The following MAGI3 variants were observed in gnomAD, a reference collection of about 807,000 sequenced individuals.
The protein encoded by MAGI3 is membrane associated guanylate kinase, WW and PDZ domain containing 3.
In MAGI3, 43 loss-of-function variants were observed where a neutral mutation model predicts 121.8. The observed-to-expected ratio is 0.35, with a 90% CI of 0.28 to 0.46. The LOEUF is 0.46. MAGI3 is among the 20% of genes least tolerant of loss of function. The pLI is 1.00. For missense variants in MAGI3, 1,547 were observed against 1,797.3 expected, an observed-to-expected ratio of 0.86 and a Z score of 2.52; for synonymous variants, 553 against 639.3, an observed-to-expected ratio of 0.86 and a Z score of 2.04.
chr1:113,682,336 T>G, intron 20 of MAGI3: 1 of 1,565,680 alleles, frequency 6.4e-7, no homozygotes, highest in Non-Finnish European at 8.6e-7. Flanking sequence ...CACTTTCTTC[T>G]TTTGTTTTCT....
intron 1 of MAGI3, among the ~76,000 whole-genome samples, chr1:113,404,727 A>G (rs1447380333): frequency 6.6e-6 from 1 of 152,146 alleles, no homozygotes; most frequent in African/African-American, 2.4e-5. Context: ...ATGGGAGAAG[A>G]AACTATGAGT....
At chr1:113,439,697 G>T (rs920958184) in intron 1 of MAGI3, among the ~76,000 whole-genome samples, 1 of 152,164 alleles carries the variant, frequency 6.6e-6, no homozygotes, top group African/African-American at 2.4e-5. Flanking sequence ...TGTCTCTTAT[G>T]TGCCAGGGAA....
At position 113,683,839 on chromosome 1, in the gene MAGI3, C is replaced by G; in HGVS notation, c.4271C>G (p.Thr1424Arg). 1.2e-6 allele frequency: 2 copies of G among 1,612,048 alleles called. 1 individual carries two copies. The highest frequency in any genetic ancestry group is 2.2e-5 in the South Asian group (2 of 90,562). Residue 1424 changes from threonine to arginine, a missense_variant, in exon 21 of 21, where the codon ACA (threonine) becomes AGA (arginine). Physicochemically the swap from Thr to Arg is moderately conservative, Grantham distance 71. Transcript: ENST00000307546. ...GAAGAGAAGGTAGTTTCAAACAAAA[C>G]AGAAGATCACAAAGGGAAAGAACTA... ...EPEEKVVSNK[T>R]EDHKGKELEA...
rs564435166 is a variant in MAGI3, at chr1:113,523,921, A to G, written c.317-25594A>G. On this transcript the variant is annotated intron_variant, in intron 1 of 20. Transcript: ENST00000307546. ...TCACAGGCCTGGAGACCGAGGAGGA[A>G]AAAATTGTTCAGTGGGCTGGGCCGG... Among the ~76,000 whole-genome samples the G allele has an allele frequency of 1.7e-4, 26 of 152,194 alleles. 1 individual carries two copies. The South Asian group carries it at 2.9e-3, about 17-fold the overall frequency.
chr1:113,411,463 G>A (rs1020850533), intron 1 of MAGI3, among the ~76,000 whole-genome samples: 4 of 151,774 alleles, frequency 2.6e-5, no homozygotes, highest in African/African-American at 9.7e-5. Flanking sequence ...TTTTTATAAG[G>A]TGAATATAGG....
At position 113,642,367 on chromosome 1, in the gene MAGI3, A is replaced by G. The variant is rs778468172; in HGVS notation, c.1817A>G (p.Asp606Gly). The change falls in exon 10 of 21, where the codon GAT becomes GGT. Residue 606 changes from aspartate to glycine, a missense_variant. By Grantham distance (94) the Asp-to-Gly change is moderately conservative (BLOSUM62 -1). Coordinates refer to ENST00000307546, the MANE Select transcript of MAGI3 (RefSeq NM_001142782.2). ...GGACAGAAGGTGAAAATGATACTGG[A>G]TAGTCAGTGGTGTCAAGGCCTTCAG... ...PTGQKVKMIL[D>G]SQWCQGLQKG... 1 of 1,614,168 alleles carries G rather than the reference A, an allele frequency of 6.2e-7. No homozygotes were observed. The highest frequency in any genetic ancestry group is 8.5e-7 in the Non-Finnish European group (1 of 1,180,024).
At chr1:113,493,545 A>C (rs938841279) in intron 1 of MAGI3, among the ~76,000 whole-genome samples, 10 of 152,240 alleles carry the variant, frequency 6.6e-5, no homozygotes, top group African/African-American at 2.2e-4. Context: ...AATTAAACGA[A>C]AGAGCTTCTG....
intron 1 of MAGI3, among the ~76,000 whole-genome samples, chr1:113,449,116 CA>C (rs111501053): frequency 0.076 from 5,589 of 73,220 alleles, 261 homozygotes; most frequent in African/African-American, 0.21. Context: ...AACTTCATTT[CA>C]AAAAAAAAAA....
At chr1:113,591,531 G>A (rs1325343029) in intron 5 of MAGI3, among the ~76,000 whole-genome samples, 4 of 152,104 alleles carry the variant, frequency 2.6e-5, no homozygotes, top group East Asian at 3.8e-4. Flanking sequence ...AAAAGAGTGA[G>A]CGTCTTGCTA....
Position 113,549,503 on chromosome 1 carries a change from T to TTTTA in MAGI3, c.317-12_317-11insTTTA. 1.4e-6 allele frequency: 2 copies of TTTTA among 1,433,334 alleles called. No homozygotes were observed. Among genetic ancestry groups the TTTTA allele is most frequent in the Non-Finnish European group, 1.9e-6 (2 of 1,039,766 alleles). 88.8% of individuals were successfully genotyped at this position (1,433,334 alleles called of 1,614,324 possible). A position where few individuals can be genotyped will look rare whatever the true frequency, so the allele number is the denominator to read the frequency against. On this transcript the variant is annotated splice_polypyrimidine_tract_variant and intron_variant, in intron 1 of 20. Transcript: ENST00000307546. The stretch of plus-strand genomic sequence containing the variant: ...ATTTATTTTCTGTTTTTTTTTTTTG[T>TTTTA]CTTTGCTCCAGGCAAAGTCATTAAT...
In MAGI3 at chr1:113,572,441, T is replaced by TTCC. The variant is rs1292730656; in HGVS notation, c.434-8100_434-8099insCCT. ...TTAGGGAGGAGTCCCTCTTTTTCTA[T>TTCC]TGTTTGGAAGAGTTTCAAAAGGAAT... On this transcript the variant is annotated intron_variant, in intron 2 of 20. Coordinates refer to ENST00000307546, the MANE Select transcript of MAGI3 (RefSeq NM_001142782.2). Among the ~76,000 whole-genome samples the TTCC allele has an allele frequency of 9.8e-5, 15 of 152,298 alleles. No homozygotes were observed. The South Asian group carries it at 2.9e-3, about 29-fold the overall frequency.
chr1:113,590,388 T>G lies in MAGI3; in HGVS notation c.764-96T>G, dbSNP rs1013755125. Reference sequence around the variant, plus strand: ...TAATAGACAAGAAATTTGCCATATTTATGTATTTGGAATTTTTTTAGAAAG... The same window carrying G: ...TAATAGACAAGAAATTTGCCATATTGATGTATTTGGAATTTTTTTAGAAAG... On this transcript the variant is annotated intron_variant, in intron 4 of 20. Transcript: ENST00000307546. 4 of 1,184,948 alleles carry G rather than the reference T, an allele frequency of 3.4e-6. No individual in the cohort carries two copies. In the African/African-American group the frequency reaches 8.3e-5, roughly 25 times the overall value. 73.4% of individuals were successfully genotyped at this position (1,184,948 alleles called of 1,614,324 possible). A position where few individuals can be genotyped will look rare whatever the true frequency, so the allele number is the denominator to read the frequency against.
chr1:113,532,140 T>C (rs1354736510), intron 1 of MAGI3, among the ~76,000 whole-genome samples: 1 of 152,138 alleles, frequency 6.6e-6, no homozygotes, highest in East Asian at 1.9e-4. Context: ...AGTTAGGCAA[T>C]TTAATTAAAA....
chr1:113,395,707 T>C (rs545617923), intron 1 of MAGI3, among the ~76,000 whole-genome samples: 25 of 152,136 alleles, frequency 1.6e-4, no homozygotes, highest in African/African-American at 6.0e-4. Context: ...TAACTTTTCT[T>C]GTATATCATT....
chr1:113,423,918 T>C (rs541664359), intron 1 of MAGI3, among the ~76,000 whole-genome samples: 323 of 152,248 alleles, frequency 2.1e-3, no homozygotes, highest in African/African-American at 7.4e-3. Flanking sequence ...GACTGGTGTG[T>C]CAGCGCCACC....
At chr1:113,641,539 G>A (rs1652532694) in intron 9 of MAGI3, among the ~76,000 whole-genome samples, 1 of 151,744 alleles carries the variant, frequency 6.6e-6, no homozygotes, top group African/African-American at 2.4e-5. Flanking sequence ...GTAGTCAGTG[G>A]AGTTATTTGC....
At chr1:113,559,067 A>G (rs944886543) in intron 2 of MAGI3, among the ~76,000 whole-genome samples, 3 of 152,230 alleles carry the variant, frequency 2.0e-5, no homozygotes, top group African/African-American at 4.8e-5. Flanking sequence ...TATGAAAAGG[A>G]AAAAGCATCA....
intron 1 of MAGI3, among the ~76,000 whole-genome samples, chr1:113,530,025 A>G (rs918159391): frequency 3.3e-5 from 5 of 152,192 alleles, no homozygotes; most frequent in African/African-American, 1.2e-4. Context: ...TTGACCCACT[A>G]GTTTATAACT....
At chr1:113,503,485 G>A (rs1657150849) in intron 1 of MAGI3, among the ~76,000 whole-genome samples, 1 of 151,576 alleles carries the variant, frequency 6.6e-6, no homozygotes, top group African/African-American at 2.4e-5. Flanking sequence ...CCCTAAAATG[G>A]ATCTTGAGTA....
Sources: allele counts gnomAD v4.1 joint callset (sites outside exome capture counted in the v4.1 genomes callset), GRCh38; gene constraint gnomAD v4.1.1; transcripts MANE v1.5; gene names NCBI Gene and HGNC (gene_info 2026-07-23, HGNC 2026-07-21).